Variants in MGMT observed in about 807,000 individuals in gnomAD.
MGMT encodes the protein O-6-methylguanine-DNA methyltransferase.
MGMT carries 14 observed loss-of-function variants against 15.9 expected under a neutral mutation model. The observed-to-expected ratio is 0.88, with a 90% CI of 0.58 to 1.37. MGMT has a LOEUF of 1.37. Among genes scored for constraint, MGMT ranks in the 40% most tolerant of loss-of-function variants. The pLI, the probability that MGMT is intolerant of heterozygous loss-of-function variation, is 0.00. For synonymous variants in MGMT, 130 were observed against 118.2 expected (o/e 1.10, Z -0.65); for missense variants, 282 against 268.1 (o/e 1.05, Z -0.36).
intron 1 of MGMT, among the ~76,000 whole-genome samples, chr10:129,477,628 G>A (rs1845310396): frequency 6.6e-6 from 1 of 152,204 alleles, no homozygotes; most frequent in Admixed American, 6.5e-5. Context: ...ACACAGCGAG[G>A]AGGAGGCTGT....
chr10:129,714,229 T>C (rs542470246), intron 3 of MGMT, among the ~76,000 whole-genome samples: 127 of 152,356 alleles, frequency 8.3e-4, no homozygotes, highest in African/African-American at 3.0e-3. Context: ...CACTCTCAGC[T>C]CCTGAGCTTG....
intron 2 of MGMT, among the ~76,000 whole-genome samples, chr10:129,657,653 G>T (rs1020516140): frequency 3.5e-5 from 5 of 144,460 alleles, no homozygotes; most frequent in East Asian, 2.1e-4. Context: ...CTGGGGGGGG[G>T]ACAGGCTGGC....
intron 1 of MGMT, among the ~76,000 whole-genome samples, chr10:129,507,490 G>C (rs1231663181): frequency 6.6e-6 from 1 of 152,176 alleles, no homozygotes; most frequent in Non-Finnish European, 1.5e-5. Flanking sequence ...CCTGCTGGAG[G>C]AGATCTGGCT....
intron 2 of MGMT, among the ~76,000 whole-genome samples, chr10:129,697,669 C>T (rs941974074): frequency 1.3e-5 from 2 of 152,164 alleles, no homozygotes; most frequent in African/African-American, 4.8e-5. Context: ...GATCCTCAAC[C>T]GTGTTCATGT....
At chr10:129,680,157 C>T (rs956311755) in intron 2 of MGMT, among the ~76,000 whole-genome samples, 3 of 152,156 alleles carry the variant, frequency 2.0e-5, no homozygotes, top group African/African-American at 7.2e-5. Context: ...TATTGTAGTA[C>T]AAGGAAGAGG....
At chr10:129,675,316 G>A (rs909591192) in intron 2 of MGMT, among the ~76,000 whole-genome samples, 11 of 152,176 alleles carry the variant, frequency 7.2e-5, no homozygotes, top group African/African-American at 2.2e-4. Context: ...GGAGAGGTTA[G>A]GCAGATGCAG....
chr10:129,650,861 G>A lies in MGMT; in HGVS notation c.126-57034G>A, dbSNP rs72838534. ...ATGTGCCTGGGACTAGGGCAGAGAC[G>A]GTTAGTCTCAGGAGAGCCAGGTGTG... is the stretch of plus-strand genomic sequence containing the variant. On this transcript the variant is annotated intron_variant, in intron 2 of 4. Transcript: ENST00000651593. Among the ~76,000 whole-genome samples the A allele has an allele frequency of 8.1e-3, 1,236 of 152,326 alleles. 12 individuals are homozygous for A. Among genetic ancestry groups the A allele is most frequent in the Non-Finnish European group, 0.012 (785 of 68,030 alleles).
chr10:129,488,626 C>A (rs994177228), intron 1 of MGMT, among the ~76,000 whole-genome samples: 1 of 152,120 alleles, frequency 6.6e-6, no homozygotes, highest in Non-Finnish European at 1.5e-5. Flanking sequence ...TTTTGTGTCT[C>A]GTTTCAAAGT....
intron 2 of MGMT, among the ~76,000 whole-genome samples, chr10:129,537,461 G>A (rs906788701): frequency 3.3e-5 from 5 of 152,142 alleles, no homozygotes; most frequent in Non-Finnish European, 5.9e-5. Context: ...TCTGGCTGTA[G>A]TGTTCAGAAA....
At chr10:129,693,130 C>T (rs1847988311) in intron 2 of MGMT, among the ~76,000 whole-genome samples, 1 of 152,126 alleles carries the variant, frequency 6.6e-6, no homozygotes, top group African/African-American at 2.4e-5. Context: ...GTCTGATGGT[C>T]GTGTAAGTCC....
chr10:129,562,320 C>T (rs1003324655), intron 2 of MGMT, among the ~76,000 whole-genome samples: 5 of 152,210 alleles, frequency 3.3e-5, no homozygotes, highest in Non-Finnish European at 7.3e-5. Flanking sequence ...CTTGCTGGCA[C>T]CTTGTTCGTC....
intron 1 of MGMT, among the ~76,000 whole-genome samples, chr10:129,469,466 A>C (rs573117714): frequency 1.3e-5 from 2 of 152,072 alleles, no homozygotes; most frequent in Admixed American, 6.5e-5. Flanking sequence ...TCTGCACTTC[A>C]TTCTGACCCC....
chr10:129,749,357 C>T (rs1848728943), intron 3 of MGMT, among the ~76,000 whole-genome samples: 1 of 152,172 alleles, frequency 6.6e-6, no homozygotes, highest in South Asian at 2.1e-4. Context: ...TTTGCTTCTT[C>T]CAGAATGTCA....
chr10:129,568,108 T>C (rs2119816841), intron 2 of MGMT, among the ~76,000 whole-genome samples: 1 of 152,380 alleles, frequency 6.6e-6, no homozygotes, highest in East Asian at 1.9e-4. Flanking sequence ...AAGTCAGGAA[T>C]GGGCCGAGAC....
chr10:129,647,110 C>A (rs1847405733), intron 2 of MGMT, among the ~76,000 whole-genome samples: 1 of 152,080 alleles, frequency 6.6e-6, no homozygotes, highest in African/African-American at 2.4e-5. Context: ...CCCCGGTAGC[C>A]CCCACGCCAA....
At chr10:129,720,954 A>T (rs62714061) in intron 3 of MGMT, among the ~76,000 whole-genome samples, 1 of 150,160 alleles carries the variant, frequency 6.7e-6, no homozygotes, top group Non-Finnish European at 1.5e-5. Flanking sequence ...AAAAAAAAAA[A>T]GCAAGAAAAA....
At chr10:129,638,823 A>G (rs1847294701) in intron 2 of MGMT, among the ~76,000 whole-genome samples, 1 of 152,220 alleles carries the variant, frequency 6.6e-6, no homozygotes, top group Non-Finnish European at 1.5e-5. Context: ...AATATACGCC[A>G]CTCAAAGGTT....
At position 129,533,024 on chromosome 10, in the gene MGMT, G is replaced by A. The variant is rs903177787; in HGVS notation, c.-12-3217G>A. ...AGGGCTGGGCTCCTGCCTGGGACTC[G>A]AATCGGGAGCAGGTCCCACGGAGGC... On this transcript the variant is annotated intron_variant, in intron 1 of 4. Coordinates refer to ENST00000651593, the MANE Select transcript of MGMT (RefSeq NM_002412.5). This position sits in a 1 kb window ranked among gnomAD's most constrained non-coding sequence, Gnocchi z 4.5. Among the ~76,000 whole-genome samples, 5 of 152,192 alleles carry A rather than the reference G, an allele frequency of 3.3e-5. No individual in the cohort carries two copies. The highest frequency in any genetic ancestry group is 2.6e-4 in the Admixed American group (4 of 15,286).
intron 1 of MGMT, among the ~76,000 whole-genome samples, chr10:129,500,561 G>T (rs938762409): frequency 6.6e-6 from 1 of 152,040 alleles, no homozygotes; most frequent in African/African-American, 2.4e-5. Context: ...GAATGTTAAC[G>T]TTATTATTTA....
Sources: gnomAD v4.1 joint callset for allele counts (sites outside exome capture counted in the v4.1 genomes callset) on GRCh38, gnomAD v4.1.1 for gene constraint, Gnocchi (gnomAD v3.1) non-coding constraint, MANE v1.5 for transcripts, NCBI Gene and HGNC (gene_info 2026-07-23, HGNC 2026-07-21) for gene names.